LRRC20: variants seen among roughly 807,000 people sequenced by gnomAD.
LRRC20 encodes the protein leucine-rich repeat-containing protein 20.
In LRRC20, 11 loss-of-function variants were observed where a neutral mutation model predicts 14.4. The ratio of observed to expected loss-of-function variants is 0.77; its 90% CI spans 0.48 to 1.27. The LOEUF (loss-of-function observed/expected upper bound fraction) is 1.27, where lower values mean the gene tolerates loss of function less well. LRRC20 is among the 50% of genes most tolerant of loss of function. The pLI is 0.00. For missense variants in LRRC20, 219 were observed against 251.2 expected (o/e 0.87, Z 0.87); for synonymous variants, 121 against 107.3 (o/e 1.13, Z -0.79).
chr10:70,343,164 A>G (rs567599862), intron 2 of LRRC20, among the ~76,000 whole-genome samples: 1 of 152,298 alleles, frequency 6.6e-6, no homozygotes, highest in East Asian at 1.9e-4. Flanking sequence ...CTAAGCAGTT[A>G]GTTGCTCCAC....
chr10:70,315,806 T>C (rs778324874), intron 4 of LRRC20, among the ~76,000 whole-genome samples: 2 of 152,230 alleles, frequency 1.3e-5, no homozygotes, highest in Non-Finnish European at 2.9e-5. Context: ...TCCAAATTCC[T>C]TGGGGTGATA....
chr10:70,339,202 T>C (rs1842822263), intron 3 of LRRC20, among the ~76,000 whole-genome samples: 1 of 152,234 alleles, frequency 6.6e-6, no homozygotes. Context: ...TTAAACTGCA[T>C]CTTCGCTGTT....
intron 1 of LRRC20, among the ~76,000 whole-genome samples, chr10:70,382,085 T>A (rs935883784): frequency 3.9e-5 from 6 of 152,120 alleles, no homozygotes; most frequent in Non-Finnish European, 8.8e-5. Context: ...GCCCCGGGGC[T>A]CCCACGCTGC....
intron 4 of LRRC20, among the ~76,000 whole-genome samples, chr10:70,316,210 G>C (rs1435263616): frequency 6.6e-6 from 1 of 152,176 alleles, no homozygotes; most frequent in East Asian, 1.9e-4. Flanking sequence ...TTGGCTAACT[G>C]CAACCTCCGC....
At chr10:70,372,678 G>A (rs1844341298) in intron 2 of LRRC20, among the ~76,000 whole-genome samples, 2 of 151,934 alleles carry the variant, frequency 1.3e-5, no homozygotes, top group East Asian at 1.9e-4. Context: ...TCCTGACCTT[G>A]TGATCCGCCC....
rs151139174 is a variant in LRRC20, at chr10:70,342,248, T to G, written c.83-1546A>C. On this transcript the variant is annotated intron_variant, in intron 2 of 4. Coordinates refer to ENST00000446961, the MANE Select transcript of LRRC20 (RefSeq NM_001278212.2). The stretch of plus-strand genomic sequence containing the variant: ...TCGCTTCAACCTGGGAGGCAAAGGT[T>G]GCAGTGAGCTGAGATCACACCACTG... 3.6e-3 allele frequency among the ~76,000 whole-genome samples: 541 copies of G among 151,756 alleles called. 2 individuals carry two copies. The highest frequency in any genetic ancestry group is 5.1e-3 in the Admixed American group (77 of 15,214).
intron 4 of LRRC20, among the ~76,000 whole-genome samples, chr10:70,319,291 T>C (rs571000479): frequency 4.9e-4 from 74 of 152,278 alleles, no homozygotes; most frequent in Admixed American, 2.4e-3. Flanking sequence ...ATATGTGACG[T>C]TTGTCTTCAC....
intron 2 of LRRC20, 43 bp from the exon 3 acceptor site, chr10:70,340,745 G>T (rs1345962393): frequency 6.2e-7 from 1 of 1,608,098 alleles, no homozygotes; most frequent in Non-Finnish European, 8.5e-7. Flanking sequence ...ATCAGCCACA[G>T]CTGCCCGAGA....
At chr10:70,316,391 C>G (rs763574696) in intron 4 of LRRC20, among the ~76,000 whole-genome samples, 1 of 152,224 alleles carries the variant, frequency 6.6e-6, no homozygotes, top group Non-Finnish European at 1.5e-5. Flanking sequence ...CCTCAGCATA[C>G]CAAAGTCCTG....
intron 3 of LRRC20, among the ~76,000 whole-genome samples, chr10:70,325,134 C>A (rs1842270409): frequency 6.6e-6 from 1 of 152,252 alleles, no homozygotes; most frequent in South Asian, 2.1e-4. Flanking sequence ...GAAGAATGTC[C>A]CCCAGTTCTT....
chr10:70,359,655 T>G (rs1843649204), intron 2 of LRRC20, among the ~76,000 whole-genome samples: 1 of 152,224 alleles, frequency 6.6e-6, no homozygotes, highest in Non-Finnish European at 1.5e-5. Flanking sequence ...CTTGCACCTC[T>G]TCATCAAAGC....
At chr10:70,342,859 G>A (rs1842965097) in intron 2 of LRRC20, among the ~76,000 whole-genome samples, 1 of 151,990 alleles carries the variant, frequency 6.6e-6, no homozygotes, top group Admixed American at 6.6e-5. Flanking sequence ...CACTCATCGA[G>A]CGTGACAGCA....
In LRRC20 at chr10:70,337,264, G is replaced by A. The variant is rs557483733; in HGVS notation, c.232+3289C>T. 4.6e-5 allele frequency among the ~76,000 whole-genome samples: 7 copies of A among 152,322 alleles called. No homozygotes were observed. The East Asian group carries it at 1.4e-3, about 29-fold the overall frequency. On this transcript the variant is annotated intron_variant, in intron 3 of 4. Transcript: ENST00000446961. Reference sequence around the variant, plus strand: ...CCTCCTCTTCACACATAAAAGAAGAGGGCTTTTCTATTTGAAAGAGAAACC... The same window carrying A: ...CCTCCTCTTCACACATAAAAGAAGAAGGCTTTTCTATTTGAAAGAGAAACC...
intron 4 of LRRC20, among the ~76,000 whole-genome samples, chr10:70,309,511 A>G (rs1841563371): frequency 1.3e-5 from 2 of 152,216 alleles, no homozygotes; most frequent in African/African-American, 4.8e-5. Flanking sequence ...CCCGGCCCCC[A>G]GAAGATAACA....
chr10:70,340,955 C>A (rs1388432320), intron 2 of LRRC20, among the ~76,000 whole-genome samples: 2 of 152,208 alleles, frequency 1.3e-5, no homozygotes, highest in Non-Finnish European at 2.9e-5. Flanking sequence ...GTTACCACAG[C>A]CTACTAGCCA....
At chr10:70,355,621 A>G (rs1843490383) in intron 2 of LRRC20, among the ~76,000 whole-genome samples, 1 of 152,028 alleles carries the variant, frequency 6.6e-6, no homozygotes, top group South Asian at 2.1e-4. Flanking sequence ...TTTTTCTTTC[A>G]CTTCCTATTT....
chr10:70,373,316 A>G lies in LRRC20; in HGVS notation c.82+3136T>C, dbSNP rs185556610. Among the ~76,000 whole-genome samples, 228 of 152,260 alleles carry G rather than the reference A, an allele frequency of 1.5e-3. 1 individual carries two copies. The highest frequency in any genetic ancestry group is 5.5e-3 in the African/African-American group (227 of 41,538). On this transcript the variant is annotated intron_variant, in intron 2 of 4. Coordinates refer to ENST00000446961, the MANE Select transcript of LRRC20 (RefSeq NM_001278212.2). The stretch of plus-strand genomic sequence containing the variant: ...TATCTCCCACCTCTGAATTAGGACA[A>G]CCTGTGTTCCATCTGACACACCTTA...
At chr10:70,365,248 C>T (rs561850656) in intron 2 of LRRC20, among the ~76,000 whole-genome samples, 1 of 152,000 alleles carries the variant, frequency 6.6e-6, no homozygotes, top group Admixed American at 6.6e-5. Context: ...TTAGCAGAGA[C>T]GGGGTTTCAC....
chr10:70,333,006 A>T (rs1842594554), intron 3 of LRRC20, among the ~76,000 whole-genome samples: 1 of 152,230 alleles, frequency 6.6e-6, no homozygotes, highest in African/African-American at 2.4e-5. Flanking sequence ...GGTGTGGCAG[A>T]GACATAAACA....
Sources: allele counts gnomAD v4.1 joint callset (sites outside exome capture counted in the v4.1 genomes callset), GRCh38; gene constraint gnomAD v4.1.1; transcripts MANE v1.5; gene names NCBI Gene and HGNC (gene_info 2026-07-23, HGNC 2026-07-21).